Variants in PPFIA2 observed in about 807,000 individuals in gnomAD.
The protein encoded by PPFIA2 is PPFI scaffold protein A2, also known as liprin-alpha-2.
A neutral mutation model predicts 175.5 loss-of-function variants in PPFIA2; 46 were observed. The observed-to-expected ratio is 0.26, with a 90% CI of 0.21 to 0.34. The LOEUF (loss-of-function observed/expected upper bound fraction) is 0.34, where lower values mean the gene tolerates loss of function less well. Ranked by LOEUF, PPFIA2 falls within the 10% of genes least tolerant of loss-of-function variation. The pLI, the probability that PPFIA2 is intolerant of heterozygous loss-of-function variation, is 1.00. For synonymous variants in PPFIA2, 568 were observed against 511.4 expected, an observed-to-expected ratio of 1.11 and a Z score of -1.49; for missense variants, 1,179 against 1,506.1, an observed-to-expected ratio of 0.78 and a Z score of 3.60.
At chr12:81,448,610 A>C (rs2051789281) in intron 5 of PPFIA2, among the ~76,000 whole-genome samples, 1 of 152,198 alleles carries the variant, frequency 6.6e-6, no homozygotes, top group African/African-American at 2.4e-5. Context: ...CTTCTTGCTC[A>C]TTCTGGTATA....
chr12:81,446,003 G>C (rs1235762115), intron 5 of PPFIA2, among the ~76,000 whole-genome samples: 1 of 152,166 alleles, frequency 6.6e-6, no homozygotes, highest in Non-Finnish European at 1.5e-5. Context: ...TACGAATTCA[G>C]CAGAAATAGA....
At chr12:81,497,395 C>T (rs12320220) in intron 4 of PPFIA2, among the ~76,000 whole-genome samples, 46,746 of 151,766 alleles carry the variant, frequency 0.31, 7,706 homozygotes, top group African/African-American at 0.42. Context: ...ATTGTCTCTT[C>T]ATTAGGGCAA....
chr12:81,474,249 C>T (rs549199791), intron 4 of PPFIA2, among the ~76,000 whole-genome samples: 19 of 152,238 alleles, frequency 1.2e-4, no homozygotes, highest in African/African-American at 3.6e-4. Flanking sequence ...CTCCACCTCC[C>T]GGTTTCAAGC....
At chr12:81,591,825 A>G (rs547740343) in intron 4 of PPFIA2, among the ~76,000 whole-genome samples, 126 of 152,256 alleles carry the variant, frequency 8.3e-4, no homozygotes, top group Non-Finnish European at 1.2e-3. Context: ...TGGGGTCCTC[A>G]TGGAGAACCT....
rs2035747499 is a variant in PPFIA2 at position 81,262,027 on chromosome 12, T to A, written c.3729A>T (p.Arg1243Ser). ...RKMTTDVASS[R>S]LQRLDNSTVR... ...CAGTGGAGTTGTCTAACCTCTGCAGTCTTGATGAAGCAACTGCAAATGGAG... is the reference window on the plus strand; with the variant it reads ...CAGTGGAGTTGTCTAACCTCTGCAGACTTGATGAAGCAACTGCAAATGGAG... The change falls in exon 32 of 33, where the codon AGA becomes AGT. Residue 1243 changes from arginine (R) to serine (S), a missense_variant. Arg to Ser is a moderately radical substitution (Grantham distance 110). Around this residue, in one of 10 missense-constraint regions of PPFIA2, gnomAD observed 245 missense variants for 375.1 expected, o/e 0.65. Coordinates refer to ENST00000549396, the MANE Select transcript of PPFIA2 (RefSeq NM_003625.5). 1 of 1,603,924 alleles carries A rather than the reference T, an allele frequency of 6.2e-7. No individual in the cohort carries two copies. The highest frequency in any genetic ancestry group is 1.1e-5 in the South Asian group (1 of 89,032).
chr12:81,671,249 C>T (rs578247073), intron 4 of PPFIA2, among the ~76,000 whole-genome samples: 1 of 151,954 alleles, frequency 6.6e-6, no homozygotes, highest in East Asian at 1.9e-4. Flanking sequence ...TCTCAATAGG[C>T]CTCAGTCTGC....
chr12:81,493,102 G>A (rs984714759), intron 4 of PPFIA2, among the ~76,000 whole-genome samples: 6 of 151,986 alleles, frequency 3.9e-5, no homozygotes, highest in Non-Finnish European at 8.8e-5. Context: ...ATGAGAAAAG[G>A]TTTGGAATGG....
At chr12:81,535,782 C>G (rs562348269) in intron 4 of PPFIA2, among the ~76,000 whole-genome samples, 1 of 151,788 alleles carries the variant, frequency 6.6e-6, no homozygotes, top group African/African-American at 2.4e-5. Flanking sequence ...GGAAAATTTA[C>G]AGGAATGTAT....
chr12:81,674,533 T>G (rs1290831664), intron 4 of PPFIA2, among the ~76,000 whole-genome samples: 1 of 151,990 alleles, frequency 6.6e-6, no homozygotes, highest in Non-Finnish European at 1.5e-5. Context: ...TTGGGCATGC[T>G]GGCGCATGCC....
intron 3 of PPFIA2, among the ~76,000 whole-genome samples, chr12:81,718,620 G>A (rs921164980): frequency 2.6e-5 from 4 of 151,610 alleles, no homozygotes; most frequent in African/African-American, 7.3e-5. Flanking sequence ...TTTGTACAGT[G>A]GAAAATCTCT....
At chr12:81,474,691 T>C (rs983453947) in intron 4 of PPFIA2, among the ~76,000 whole-genome samples, 3 of 152,246 alleles carry the variant, frequency 2.0e-5, no homozygotes, top group African/African-American at 7.2e-5. Flanking sequence ...CTGTGAAATA[T>C]AATTATTACT....
intron 4 of PPFIA2, among the ~76,000 whole-genome samples, chr12:81,563,146 A>T (rs946190745): frequency 3.9e-5 from 6 of 152,012 alleles, no homozygotes; most frequent in African/African-American, 1.4e-4. Flanking sequence ...ACTTCACTAC[A>T]TATTCCTGCC....
Position 81,344,671 on chromosome 12 carries a change from C to A in PPFIA2, c.2255G>T (p.Arg752Leu). The change falls in exon 19 of 33, where the codon CGG (arginine) becomes CTG (leucine). Residue 752 changes from arginine (R) to leucine (L), a missense_variant. Physicochemically the swap from Arg to Leu is moderately radical, Grantham distance 102 (BLOSUM62 -2). Around this residue, in one of 10 missense-constraint regions of PPFIA2, gnomAD observed 223 missense variants for 241.6 expected, o/e 0.92. Transcript: ENST00000549396. The stretch of plus-strand genomic sequence containing the variant: ...AAAAGTTATTTACTGTACCTTTCTC[C>A]GATGTTTCCTCAGATCACTTGGCTG... ...MTLPSDLRKH[R>L]RKIAVVEEDG... is the part of the protein sequence containing the mutation. 2 of 1,557,848 alleles carry A rather than the reference C, an allele frequency of 1.3e-6. No individual in the cohort carries two copies. Among genetic ancestry groups the A allele is most frequent in the East Asian group, 2.3e-5 (1 of 42,916 alleles).
At chr12:81,434,272 G>A (rs372035595) in intron 7 of PPFIA2, among the ~76,000 whole-genome samples, 1 of 151,922 alleles carries the variant, frequency 6.6e-6, no homozygotes, top group Non-Finnish European at 1.5e-5. Context: ...AGATCATTAT[G>A]TTATCAGTGT....
At chr12:81,455,639 T>C (rs1183185076) in intron 5 of PPFIA2, among the ~76,000 whole-genome samples, 1 of 151,934 alleles carries the variant, frequency 6.6e-6, no homozygotes, top group Non-Finnish European at 1.5e-5. Flanking sequence ...GGGTTCAATA[T>C]GATGAAAATT....
At chr12:81,507,485 G>C (rs1386513945) in intron 4 of PPFIA2, among the ~76,000 whole-genome samples, 1 of 151,962 alleles carries the variant, frequency 6.6e-6, no homozygotes. Flanking sequence ...GTGACTTTTT[G>C]TATCCAATAC....
chr12:81,378,391 A>C (rs796435960), intron 9 of PPFIA2, among the ~76,000 whole-genome samples: 8 of 152,138 alleles, frequency 5.3e-5, no homozygotes, highest in Admixed American at 2.0e-4. Context: ...TGTTGACATT[A>C]AAGTGCAAAC....
At chr12:81,681,957 C>G (rs1472718683) in intron 3 of PPFIA2, among the ~76,000 whole-genome samples, 1 of 152,038 alleles carries the variant, frequency 6.6e-6, no homozygotes, top group East Asian at 1.9e-4. Context: ...AAGTTAATAT[C>G]AGGTTTTAAG....
chr12:81,528,466 C>T (rs888438311), intron 4 of PPFIA2, among the ~76,000 whole-genome samples: 2 of 151,970 alleles, frequency 1.3e-5, no homozygotes, highest in African/African-American at 4.8e-5. Context: ...TGGAATCAGG[C>T]AAATATAACT....
Sources: allele counts gnomAD v4.1 joint callset (sites outside exome capture counted in the v4.1 genomes callset), GRCh38; gene constraint gnomAD v4.1.1; regional missense constraint gnomAD v4.1.1; transcripts MANE v1.5; gene names NCBI Gene and HGNC (gene_info 2026-07-23, HGNC 2026-07-21).